Variants in NME7 observed in about 807,000 individuals in gnomAD.
NME7 encodes the protein nucleoside diphosphate kinase 7.
Under a neutral mutation model 49.1 loss-of-function variants are expected in NME7, and 41 were observed. The observed-to-expected ratio is 0.83, with a 90% CI of 0.65 to 1.08. The LOEUF is 1.08. NME7 is among the 50% of genes least tolerant of loss of function. The pLI is 0.00. For missense variants in NME7, 423 were observed against 463.4 expected (o/e 0.91, Z 0.80); for synonymous variants, 139 against 150.6 (o/e 0.92, Z 0.56).
chr1:169,343,731 G>A (rs1349556173), intron 1 of NME7, among the ~76,000 whole-genome samples: 1 of 152,118 alleles, frequency 6.6e-6, no homozygotes, highest in Non-Finnish European at 1.5e-5. Flanking sequence ...CTGACCTCAA[G>A]TGATCCTCCT....
intron 1 of NME7, among the ~76,000 whole-genome samples, chr1:169,329,734 A>G (rs879359410): frequency 6.6e-5 from 10 of 152,290 alleles, no homozygotes; most frequent in Middle Eastern, 3.4e-3. Context: ...ATTGGTCTTA[A>G]AGAAGAAGTA....
intron 1 of NME7, among the ~76,000 whole-genome samples, chr1:169,355,052 A>G (rs1351699555): frequency 5.3e-5 from 4 of 76,044 alleles, no homozygotes; most frequent in Non-Finnish European, 6.9e-5. Context: ...GATATAATAT[A>G]TAATATACTA....
At chr1:169,227,458 T>C (rs191929883) in intron 10 of NME7, among the ~76,000 whole-genome samples, 1 of 152,198 alleles carries the variant, frequency 6.6e-6, no homozygotes, top group Non-Finnish European at 1.5e-5. Flanking sequence ...ATGGAGAAAA[T>C]AAATGTATTT....
In NME7 at chr1:169,340,311, G is replaced by A. The variant is rs559912411; in HGVS notation, c.4-15811C>T. Among the ~76,000 whole-genome samples the A allele has an allele frequency of 4.5e-4, 69 of 152,226 alleles. 1 individual carries two copies. Among genetic ancestry groups the A allele is most frequent in the African/African-American group, 1.4e-3 (60 of 41,528 alleles). ...TCCCCTGCACGTTCTCTCTCCTGCC[G>A]CCTTGTGAGGAAGATGCCTGCTTCC... On this transcript the variant is annotated intron_variant, in intron 1 of 11. Coordinates refer to ENST00000367811, the MANE Select transcript of NME7 (RefSeq NM_013330.5).
intron 1 of NME7, among the ~76,000 whole-genome samples, chr1:169,336,444 G>C (rs1652478686): frequency 1.3e-5 from 2 of 152,246 alleles, no homozygotes; most frequent in African/African-American, 4.8e-5. Flanking sequence ...TCAGGGCACT[G>C]ATTGGTGTGT....
chr1:169,345,020 T>A (rs1461069074), intron 1 of NME7, among the ~76,000 whole-genome samples: 6 of 152,214 alleles, frequency 3.9e-5, no homozygotes, highest in Admixed American at 1.3e-4. Context: ...TTATTTAGTA[T>A]AACTCTATTC....
intron 11 of NME7, among the ~76,000 whole-genome samples, chr1:169,144,446 A>G (rs1419789748): frequency 1.3e-5 from 2 of 152,178 alleles, no homozygotes; most frequent in East Asian, 3.9e-4. Flanking sequence ...CAATACTTGG[A>G]GCAGATTTCA....
intron 7 of NME7, among the ~76,000 whole-genome samples, chr1:169,242,750 AG>A (rs1648144667): frequency 6.6e-6 from 1 of 151,168 alleles, no homozygotes; most frequent in South Asian, 2.1e-4. Context: ...ATACTAGATC[AG>A]TTGTATTTCT....
At chr1:169,136,104 ACATATATCGGGCACAGC>A (rs11267929) in intron 11 of NME7, among the ~76,000 whole-genome samples, 67,130 of 151,746 alleles carry the variant, frequency 0.44, 15,296 homozygotes, top group East Asian at 0.79. Context: ...ACAGCCAGCC[ACATATATCGGGCACAGC>A]CAGTGCCCGA....
rs533396858 is a variant in NME7, at chr1:169,303,696, C to T, written c.390-501G>A. On this transcript the variant is annotated intron_variant, in intron 4 of 11. Coordinates refer to ENST00000367811, the MANE Select transcript of NME7 (RefSeq NM_013330.5). ...CAAACTCCTGACCTCAGGTGATCCA[C>T]CCACCTCGGCCTCTCAAAGTGCTGG... Among the ~76,000 whole-genome samples the T allele has an allele frequency of 3.9e-5, 6 of 152,202 alleles. No individual in the cohort carries two copies. In the South Asian group the frequency reaches 1.2e-3, roughly 32 times the overall value.
intron 5 of NME7, among the ~76,000 whole-genome samples, chr1:169,300,255 T>C (rs551623811): frequency 3.2e-4 from 48 of 152,184 alleles, no homozygotes; most frequent in Non-Finnish European, 5.9e-4. Flanking sequence ...ACAAAGTTTA[T>C]ACCAAAAGAT....
chr1:169,200,666 C>T (rs1177375626), intron 10 of NME7, among the ~76,000 whole-genome samples: 1 of 152,158 alleles, frequency 6.6e-6, no homozygotes, highest in Non-Finnish European at 1.5e-5. Flanking sequence ...CAGCCCTGTA[C>T]ACCCTACAGT....
chr1:169,335,555 G>A (rs903705335), intron 1 of NME7, among the ~76,000 whole-genome samples: 1 of 151,778 alleles, frequency 6.6e-6, no homozygotes, highest in African/African-American at 2.4e-5. Flanking sequence ...CCTGTTGTGG[G>A]GTGGGGGATG....
At chr1:169,233,643 T>A (rs1647735475) in intron 9 of NME7, among the ~76,000 whole-genome samples, 1 of 152,164 alleles carries the variant, frequency 6.6e-6, no homozygotes, top group South Asian at 2.1e-4. Context: ...TCAAAATTTA[T>A]ATGGTACTCA....
chr1:169,306,599 A>C (rs1240427960), intron 4 of NME7, among the ~76,000 whole-genome samples: 2 of 152,204 alleles, frequency 1.3e-5, no homozygotes, highest in African/African-American at 4.8e-5. Context: ...ATCTAGGATC[A>C]CTTTCAGATT....
In NME7 at chr1:169,355,011, T is replaced by TAG. The variant is rs1557837167; in HGVS notation, c.3+12696_3+12697insCT. On this transcript the variant is annotated intron_variant, in intron 1 of 11. Transcript: ENST00000367811. ...TATATAATATAATTATATATGTTTA[T>TAG]ATATAATATAATTATATATTATATA... 1.3e-3 allele frequency among the ~76,000 whole-genome samples: 42 copies of TAG among 33,218 alleles called. 1 individual carries two copies. Among genetic ancestry groups the TAG allele is most frequent in the African/African-American group, 2.2e-3 (29 of 13,120 alleles). The allele number at this position is 33,218 out of a possible 152,430, so 21.8% of individuals were successfully genotyped here.
chr1:169,366,114 T>C (rs1653842462), intron 1 of NME7, among the ~76,000 whole-genome samples: 1 of 152,018 alleles, frequency 6.6e-6, no homozygotes, highest in Middle Eastern at 3.2e-3. Flanking sequence ...GTGGACAAAA[T>C]CACCCAAGGA....
chr1:169,287,190 A>C (rs1650308287), intron 7 of NME7, 113 bp downstream of exon 7: 1 of 918,688 alleles, frequency 1.1e-6, no homozygotes, highest in African/African-American at 1.7e-5. Flanking sequence ...CTTCAAAGAA[A>C]AAAAATGGAA....
chr1:169,300,396 C>T lies in NME7; in HGVS notation c.441-1633G>A, dbSNP rs1191820451. On this transcript the variant is annotated intron_variant, in intron 5 of 11. Coordinates refer to ENST00000367811, the MANE Select transcript of NME7 (RefSeq NM_013330.5). ...ACATACAAATTTTTTTAAAAACCCA[C>T]TACTCAGTGCAGGATATCAAATAAC... 2.6e-5 allele frequency among the ~76,000 whole-genome samples: 4 copies of T among 152,042 alleles called. No individual in the cohort carries two copies. The East Asian group carries it at 5.8e-4, about 22-fold the overall frequency.
Sources: gnomAD v4.1 joint callset for allele counts (sites outside exome capture counted in the v4.1 genomes callset) on GRCh38, gnomAD v4.1.1 for gene constraint, MANE v1.5 for transcripts, NCBI Gene and HGNC (gene_info 2026-07-23, HGNC 2026-07-21) for gene names.